The following RPA3 variants were observed in gnomAD, a reference collection of about 807,000 sequenced individuals.
RPA3 encodes the protein replication protein A 14 kDa subunit.
In RPA3, 24 loss-of-function variants were observed where a neutral mutation model predicts 13.7. The observed-to-expected ratio is 1.75, with a 90% confidence interval of 1.27 to 2.46. RPA3 has a LOEUF of 2.46. Among genes scored for constraint, RPA3 ranks in the 30% most tolerant of loss-of-function variants. The pLI, the probability that RPA3 is intolerant of heterozygous loss-of-function variation, is 0.00. For missense variants in RPA3, 183 were observed against 151.0 expected (o/e 1.21, Z -1.11); for synonymous variants, 59 against 51.2 (o/e 1.15, Z -0.65).
chr7:7,664,731 G>A (rs532673543), intron 4 of RPA3, among the ~76,000 whole-genome samples: 1 of 152,164 alleles, frequency 6.6e-6, no homozygotes, highest in Non-Finnish European at 1.5e-5. Flanking sequence ...TTTCTGGAAT[G>A]TTTTATGCTT....
At chr7:7,685,520 G>GAT (rs1478892918) in intron 4 of RPA3, among the ~76,000 whole-genome samples, 3 of 152,048 alleles carry the variant, frequency 2.0e-5, no homozygotes, top group African/African-American at 7.2e-5. Flanking sequence ...CTTTGGCCAG[G>GAT]ATGGTCTCCA....
chr7:7,638,040 T>C (rs1176805885), intron 6 of RPA3, 68 bp from the exon 7 acceptor site: 2 of 1,178,090 alleles, frequency 1.7e-6, no homozygotes, highest in Non-Finnish European at 2.5e-6. Flanking sequence ...TTTGGAAAAC[T>C]GTTATACAGG....
At chr7:7,649,062 G>A (rs1158600913) in intron 4 of RPA3, among the ~76,000 whole-genome samples, 1 of 149,852 alleles carries the variant, frequency 6.7e-6, no homozygotes, top group Non-Finnish European at 1.5e-5. Context: ...GGAGGCTGAG[G>A]CAGGAGAATC....
intron 4 of RPA3, among the ~76,000 whole-genome samples, chr7:7,684,009 A>G (rs1024544713): frequency 6.6e-6 from 1 of 152,170 alleles, no homozygotes; most frequent in African/African-American, 2.4e-5. Flanking sequence ...ACCAAAATCC[A>G]TTGACGCTCA....
chr7:7,654,005 T>C (rs904826404), intron 4 of RPA3, among the ~76,000 whole-genome samples: 9 of 152,178 alleles, frequency 5.9e-5, no homozygotes, highest in African/African-American at 2.2e-4. Flanking sequence ...AATTAGTAGA[T>C]TGAGGGGAGA....
intron 4 of RPA3, among the ~76,000 whole-genome samples, chr7:7,662,198 T>C (rs777657796): frequency 3.3e-5 from 5 of 152,186 alleles, no homozygotes; most frequent in Non-Finnish European, 5.9e-5. Flanking sequence ...TTCAGGTTGC[T>C]GTGCTGGCAG....
intron 2 of RPA3, among the ~76,000 whole-genome samples, chr7:7,695,563 T>C (rs1563130505): frequency 6.6e-6 from 1 of 152,202 alleles, no homozygotes; most frequent in Non-Finnish European, 1.5e-5. Context: ...ACACTCAAGC[T>C]TTTCATGTTC....
In RPA3 at chr7:7,640,471, T is replaced by C. The variant is rs1169174059; in HGVS notation, c.-53A>G. ...GGAAACCCACGGACGACTGAAACTG[T>C]GCGCCCCGCGGGTGTCTATGGGGCA... On this transcript the variant is annotated 5_prime_UTR_variant, in exon 5 of 8. Coordinates refer to ENST00000223129, the MANE Select transcript of RPA3 (RefSeq NM_002947.5). 4.6e-6 allele frequency: 7 copies of C among 1,538,294 alleles called. No homozygotes were observed. The Admixed American group carries it at 1.2e-4, about 26-fold the overall frequency.
intron 5 of RPA3, 104 bp downstream of exon 5, chr7:7,640,216 C>A (rs1257279013): frequency 2.5e-6 from 3 of 1,186,288 alleles, no homozygotes; most frequent in African/African-American, 3.0e-5. Context: ...GAGTCGGGGG[C>A]GCAGTGATCG....
chr7:7,684,296 C>T (rs543165777), intron 4 of RPA3, among the ~76,000 whole-genome samples: 96 of 151,950 alleles, frequency 6.3e-4, no homozygotes, highest in African/African-American at 2.0e-3. Flanking sequence ...CTGCCTCCCG[C>T]GTTCAAGCAA....
At chr7:7,676,462 C>T (rs117893829) in intron 4 of RPA3, among the ~76,000 whole-genome samples, 7 of 152,230 alleles carry the variant, frequency 4.6e-5, no homozygotes, top group African/African-American at 1.7e-4. Flanking sequence ...TCCTCTAAAC[C>T]ACTGAACTAT....
At chr7:7,649,136 C>T (rs1283901613) in intron 4 of RPA3, among the ~76,000 whole-genome samples, 9 of 121,394 alleles carry the variant, frequency 7.4e-5, no homozygotes, top group African/African-American at 9.6e-5. Context: ...CCAGCCCGTG[C>T]GACAAGAGCG....
In RPA3 at chr7:7,655,900, A is replaced by T. The variant is rs1487094056; in HGVS notation, c.-757-14725T>A. On this transcript the variant is annotated intron_variant, in intron 4 of 7. Transcript: ENST00000223129. Reference sequence around the variant, plus strand: ...CCCCAGGCTGGAATGCCATGGTGTGATCTTGGCTCACTGCAACCTCCACCT... The same window carrying T: ...CCCCAGGCTGGAATGCCATGGTGTGTTCTTGGCTCACTGCAACCTCCACCT... 2.0e-5 allele frequency among the ~76,000 whole-genome samples: 3 copies of T among 151,838 alleles called. No homozygotes were observed. The East Asian group carries it at 5.8e-4, about 29-fold the overall frequency.
intron 4 of RPA3, among the ~76,000 whole-genome samples, chr7:7,645,479 A>G (rs1029588969): frequency 1.3e-5 from 2 of 152,176 alleles, no homozygotes; most frequent in Middle Eastern, 3.2e-3. Context: ...AGGCCAGGTA[A>G]GTGATGGAGC....
At chr7:7,685,435 G>A (rs1165074923) in intron 4 of RPA3, among the ~76,000 whole-genome samples, 2 of 150,892 alleles carry the variant, frequency 1.3e-5, no homozygotes, top group African/African-American at 4.9e-5. Context: ...TCAGCCTTCC[G>A]AGTAGCTGGG....
At chr7:7,690,024 G>A (rs1396482785) in intron 2 of RPA3, among the ~76,000 whole-genome samples, 1 of 152,054 alleles carries the variant, frequency 6.6e-6, no homozygotes, top group Non-Finnish European at 1.5e-5. Flanking sequence ...ATTCCACATT[G>A]TAATTTTTCC....
chr7:7,704,598 G>GAA (rs35661728), intron 2 of RPA3, among the ~76,000 whole-genome samples: 25 of 93,604 alleles, frequency 2.7e-4, no homozygotes, highest in African/African-American at 7.8e-4. Context: ...TACTAAAATA[G>GAA]AAAAAAAAAA....
intron 4 of RPA3, among the ~76,000 whole-genome samples, chr7:7,651,957 C>T (rs780114812): frequency 6.6e-6 from 1 of 152,132 alleles, no homozygotes; most frequent in African/African-American, 2.4e-5. Flanking sequence ...CCTCCTGACT[C>T]CTCCCTCTCT....
chr7:7,689,580 A>C (rs377569897), intron 2 of RPA3: 3 of 152,244 alleles, frequency 2.0e-5, no homozygotes, highest in East Asian at 3.9e-4. Context: ...ATCTCCCTGG[A>C]TAATCTTTTC....
Sources: gnomAD v4.1 joint callset for allele counts (sites outside exome capture counted in the v4.1 genomes callset) on GRCh38, gnomAD v4.1.1 for gene constraint, MANE v1.5 for transcripts, NCBI Gene and HGNC (gene_info 2026-07-23, HGNC 2026-07-21) for gene names.